HPSE2: variants seen among roughly 807,000 people sequenced by gnomAD.
The protein encoded by HPSE2 is heparanase 2 (inactive).
In HPSE2, 38 loss-of-function variants were observed where a neutral mutation model predicts 60.5. That is an observed-to-expected ratio of 0.63 (90% confidence interval 0.48 to 0.82). The LOEUF (loss-of-function observed/expected upper bound fraction) is 0.82, where lower values mean the gene tolerates loss of function less well. Ranked by LOEUF, HPSE2 falls within the 40% of genes least tolerant of loss-of-function variation. The probability of loss-of-function intolerance (pLI) is 0.00; values close to 1 mark genes in which losing one functional copy is unlikely to be tolerated. For missense variants in HPSE2, 713 were observed against 740.4 expected (o/e 0.96, Z 0.43); for synonymous variants, 295 against 293.2 (o/e 1.01, Z -0.06).
chr10:98,725,631 T>A (rs1949054292), intron 4 of HPSE2, among the ~76,000 whole-genome samples: 1 of 152,022 alleles, frequency 6.6e-6, no homozygotes, highest in Non-Finnish European at 1.5e-5. Context: ...AAGCCAAAAT[T>A]GACAAATGGG....
intron 3 of HPSE2, among the ~76,000 whole-genome samples, chr10:98,826,481 G>A (rs1364923237): frequency 6.6e-6 from 1 of 152,064 alleles, no homozygotes; most frequent in African/African-American, 2.4e-5. Flanking sequence ...AGAAAGGTTG[G>A]GGTATATATC....
intron 3 of HPSE2, among the ~76,000 whole-genome samples, chr10:98,940,491 G>A (rs537848352): frequency 6.9e-6 from 1 of 143,972 alleles, no homozygotes; most frequent in African/African-American, 2.8e-5. Flanking sequence ...AGAAGAAATG[G>A]ATAAATTCCT....
intron 9 of HPSE2, among the ~76,000 whole-genome samples, chr10:98,601,356 C>T (rs1054656755): frequency 1.3e-5 from 2 of 152,138 alleles, no homozygotes; most frequent in Non-Finnish European, 2.9e-5. Context: ...AACCATCATA[C>T]TATATAAGAA....
intron 6 of HPSE2, among the ~76,000 whole-genome samples, chr10:98,645,417 T>G (rs914534902): frequency 2.0e-5 from 3 of 152,156 alleles, no homozygotes; most frequent in Non-Finnish European, 2.9e-5. Context: ...CCCTTCAAAA[T>G]GCTTCTAAAA....
intron 3 of HPSE2, among the ~76,000 whole-genome samples, chr10:98,760,934 A>C (rs758229487): frequency 3.3e-5 from 5 of 152,228 alleles, no homozygotes; most frequent in African/African-American, 4.8e-5. Context: ...TCACTTGTGA[A>C]TCCATCTGGT....
rs1565160298 is a variant in HPSE2, at chr10:98,782,920, T to TA, written c.611-38865_611-38864insT. On this transcript the variant is annotated intron_variant, in intron 3 of 11. Transcript: ENST00000370552. ...TACTTCCCTGTTTGTTTATTTTTTT[T>TA]TTTTTATTTTTTTTTTTAATGTTTT... Among the ~76,000 whole-genome samples the TA allele has an allele frequency of 5.1e-4, 22 of 42,866 alleles. 1 individual carries two copies. Among genetic ancestry groups the TA allele is most frequent in the Middle Eastern group, 0.021 (2 of 96 alleles). 28.1% of individuals were successfully genotyped at this position (42,866 alleles called of 152,430 possible). A position where few individuals can be genotyped will look rare whatever the true frequency, so the allele number is the denominator to read the frequency against.
intron 3 of HPSE2, among the ~76,000 whole-genome samples, chr10:98,811,632 T>C (rs1246684640): frequency 6.6e-6 from 1 of 152,102 alleles, no homozygotes; most frequent in East Asian, 1.9e-4. Context: ...GCAATTATCT[T>C]TATATGCAAT....
chr10:98,974,985 T>C (rs1449840133), intron 3 of HPSE2, among the ~76,000 whole-genome samples: 1 of 152,236 alleles, frequency 6.6e-6, no homozygotes, highest in Non-Finnish European at 1.5e-5. Context: ...TAGTATTCAA[T>C]ATAGCAGATG....
At chr10:98,711,031 A>C (rs11189765) in intron 5 of HPSE2, among the ~76,000 whole-genome samples, 27 of 151,958 alleles carry the variant, frequency 1.8e-4, no homozygotes, top group Non-Finnish European at 3.8e-4. Flanking sequence ...ACATATAGGA[A>C]GACCAAATAG....
At chr10:99,255,570 AC>A in the HPSE2 span, among the ~76,000 whole-genome samples, 1 of 73,180 alleles carries the variant, frequency 1.4e-5, no homozygotes, top group South Asian at 3.8e-4. Context: ...ACATACACAC[AC>A]ACACACACAC....
intron 9 of HPSE2, among the ~76,000 whole-genome samples, chr10:98,592,417 T>C (rs1945115365): frequency 6.6e-6 from 1 of 152,134 alleles, no homozygotes; most frequent in African/African-American, 2.4e-5. Context: ...CAAACAAAAA[T>C]CCTCTATTTC....
chr10:98,725,093 C>T (rs1949037017), intron 4 of HPSE2, among the ~76,000 whole-genome samples: 1 of 152,158 alleles, frequency 6.6e-6, no homozygotes, highest in South Asian at 2.1e-4. Context: ...AATACCATCC[C>T]CATCAAGCTA....
At chr10:98,632,809 A>C (rs530421323) in intron 7 of HPSE2, among the ~76,000 whole-genome samples, 11 of 152,318 alleles carry the variant, frequency 7.2e-5, no homozygotes, top group Admixed American at 3.9e-4. Context: ...CCATTGTATA[A>C]ATGTCAGGCC....
intron 3 of HPSE2, among the ~76,000 whole-genome samples, chr10:99,055,857 CTATAT>C (rs1194733625): frequency 1.3e-5 from 2 of 152,020 alleles, no homozygotes; most frequent in Non-Finnish European, 2.9e-5. Context: ...CTTTAAGCGC[CTATAT>C]TAGAGACAAG....
At chr10:99,307,042 T>C in the HPSE2 span, among the ~76,000 whole-genome samples, 1 of 152,168 alleles carries the variant, frequency 6.6e-6, no homozygotes, top group Non-Finnish European at 1.5e-5. Flanking sequence ...CTAACTGGCT[T>C]TGCTGATTGC....
chr10:99,160,706 C>T (rs889874868), intron 2 of HPSE2, among the ~76,000 whole-genome samples: 3 of 151,176 alleles, frequency 2.0e-5, no homozygotes, highest in Non-Finnish European at 3.0e-5. Context: ...GAGACCATCC[C>T]GGCTAAAACG....
At chr10:98,691,712 C>T (rs1948081691) in intron 6 of HPSE2, among the ~76,000 whole-genome samples, 1 of 152,100 alleles carries the variant, frequency 6.6e-6, no homozygotes, top group African/African-American at 2.4e-5. Context: ...AGACAATAAC[C>T]CTTGGAGTGA....
chr10:98,851,248 T>A (rs1173788095), intron 3 of HPSE2, among the ~76,000 whole-genome samples: 1 of 152,186 alleles, frequency 6.6e-6, no homozygotes, highest in Admixed American at 6.5e-5. Context: ...GGCAGGAAGT[T>A]ACCTAAGACA....
intron 2 of HPSE2, among the ~76,000 whole-genome samples, chr10:99,225,032 C>T (rs1197978691): frequency 6.6e-6 from 1 of 152,038 alleles, no homozygotes; most frequent in African/African-American, 2.4e-5. Flanking sequence ...ATATAGTGAA[C>T]TGCAGCTCAC....
Sources: gnomAD v4.1 joint callset for allele counts (sites outside exome capture counted in the v4.1 genomes callset) on GRCh38, gnomAD v4.1.1 for gene constraint, MANE v1.5 for transcripts, NCBI Gene and HGNC (gene_info 2026-07-23, HGNC 2026-07-21) for gene names.